GALNT13: variants seen among roughly 807,000 people sequenced by gnomAD.
GALNT13 encodes the protein polypeptide N-acetylgalactosaminyltransferase 13.
A neutral mutation model predicts 64.2 loss-of-function variants in GALNT13; 28 were observed. That is an observed-to-expected ratio of 0.44 (90% confidence interval 0.32 to 0.60). The LOEUF (loss-of-function observed/expected upper bound fraction) is 0.60. GALNT13 is among the 20% of genes least tolerant of loss of function. The probability of loss-of-function intolerance (pLI) is 0.05; values close to 1 mark genes in which losing one functional copy is unlikely to be tolerated. For missense variants in GALNT13, 577 were observed against 669.8 expected (o/e 0.86, Z 1.53); for synonymous variants, 214 against 224.6 (o/e 0.95, Z 0.42).
At chr2:153,278,871 G>GT in the GALNT13 span, among the ~76,000 whole-genome samples, 4 of 152,004 alleles carry the variant, frequency 2.6e-5, no homozygotes, top group Admixed American at 2.0e-4. Flanking sequence ...TTTTAGAACA[G>GT]TTTTTTTCTA....
the GALNT13 span, among the ~76,000 whole-genome samples, chr2:153,244,512 AG>A: frequency 1.2e-4 from 18 of 152,172 alleles, no homozygotes; most frequent in Non-Finnish European, 5.9e-5. Context: ...TGTGAGCAGA[AG>A]CAGGGTGGGG....
chr2:153,636,401 G>A, the GALNT13 span, among the ~76,000 whole-genome samples: 2 of 152,052 alleles, frequency 1.3e-5, no homozygotes, highest in Admixed American at 6.6e-5. Flanking sequence ...AAACAGAAAG[G>A]TGGTATCCTC....
At chr2:153,633,592 G>A in the GALNT13 span, among the ~76,000 whole-genome samples, 1 of 152,138 alleles carries the variant, frequency 6.6e-6, no homozygotes, top group African/African-American at 2.4e-5. Flanking sequence ...CACCATAGGA[G>A]ACATTTATCA....
At chr2:153,625,531 T>A in the GALNT13 span, among the ~76,000 whole-genome samples, 1 of 152,100 alleles carries the variant, frequency 6.6e-6, no homozygotes, top group African/African-American at 2.4e-5. Flanking sequence ...TTTGAAAATC[T>A]GGGAAAATGC....
At chr2:154,211,337 G>T (rs548837396) in intron 4 of GALNT13, among the ~76,000 whole-genome samples, 134 of 151,926 alleles carry the variant, frequency 8.8e-4, no homozygotes, top group African/African-American at 3.0e-3. Context: ...ATAGAAAAAG[G>T]TACAGTAGGC....
the GALNT13 span, among the ~76,000 whole-genome samples, chr2:153,218,879 G>T: frequency 1.2e-4 from 18 of 152,236 alleles, no homozygotes; most frequent in African/African-American, 4.1e-4. Flanking sequence ...TGGACTAGTT[G>T]GTTGACTTGT....
chr2:153,283,404 T>C, the GALNT13 span, among the ~76,000 whole-genome samples: 2 of 152,174 alleles, frequency 1.3e-5, no homozygotes, highest in African/African-American at 4.8e-5. Context: ...TGCACTATAA[T>C]ATGCACAGAA....
chr2:153,629,614 A>G, the GALNT13 span, among the ~76,000 whole-genome samples: 2 of 152,172 alleles, frequency 1.3e-5, no homozygotes, highest in African/African-American at 4.8e-5. Context: ...TAAAACACCA[A>G]AAGCAATGGC....
the GALNT13 span, among the ~76,000 whole-genome samples, chr2:153,399,730 G>T: frequency 1.3e-5 from 2 of 152,160 alleles, no homozygotes; most frequent in Admixed American, 6.5e-5. Context: ...CTGTTTGTCT[G>T]TGGTTGGTGT....
At chr2:154,176,171 A>G (rs1685635630) in intron 4 of GALNT13, among the ~76,000 whole-genome samples, 1 of 151,964 alleles carries the variant, frequency 6.6e-6, no homozygotes, top group African/African-American at 2.4e-5. Flanking sequence ...CTTTGTTATA[A>G]GAATCTGTGC....
At chr2:154,031,052 A>T (rs188808626) in intron 3 of GALNT13, among the ~76,000 whole-genome samples, 21 of 152,282 alleles carry the variant, frequency 1.4e-4, no homozygotes, top group Non-Finnish European at 2.6e-4. Flanking sequence ...AAGATAACTG[A>T]CCACTTATTA....
the GALNT13 span, among the ~76,000 whole-genome samples, chr2:153,226,791 G>A: frequency 2.8e-4 from 42 of 152,208 alleles, no homozygotes; most frequent in East Asian, 1.9e-4. Context: ...TGACAGAAAC[G>A]TGAATGAAGT....
the GALNT13 span, among the ~76,000 whole-genome samples, chr2:153,108,966 T>C: frequency 3.3e-5 from 5 of 152,180 alleles, no homozygotes; most frequent in Non-Finnish European, 7.4e-5. Flanking sequence ...ATGGAAAACA[T>C]ATCTGGAGCC....
chr2:154,369,496 C>G (rs1559118074), intron 9 of GALNT13, among the ~76,000 whole-genome samples: 2 of 152,272 alleles, frequency 1.3e-5, no homozygotes, highest in East Asian at 3.9e-4. Context: ...GTCAGTACCA[C>G]ACATAGCTTC....
chr2:153,768,690 C>A, the GALNT13 span, among the ~76,000 whole-genome samples: 4 of 152,000 alleles, frequency 2.6e-5, no homozygotes, highest in African/African-American at 9.7e-5. Flanking sequence ...CACGGTGAAA[C>A]CCCATCTCTA....
the GALNT13 span, among the ~76,000 whole-genome samples, chr2:153,662,926 G>T: frequency 1.5e-4 from 23 of 152,254 alleles, no homozygotes; most frequent in African/African-American, 5.3e-4. Context: ...CTCAGAGTTA[G>T]ACAATTACGT....
At chr2:153,659,747 C>T in the GALNT13 span, among the ~76,000 whole-genome samples, 30 of 152,152 alleles carry the variant, frequency 2.0e-4, no homozygotes, top group African/African-American at 6.0e-4. Flanking sequence ...TGACTCTGAG[C>T]GCACTGCCTA....
At chr2:153,369,911 T>A in the GALNT13 span, among the ~76,000 whole-genome samples, 9 of 152,210 alleles carry the variant, frequency 5.9e-5, no homozygotes, top group Non-Finnish European at 1.2e-4. Flanking sequence ...TGAGAGATTA[T>A]GAACCAGAGG....
At chr2:154,187,264 T>C (rs1686303605) in intron 4 of GALNT13, among the ~76,000 whole-genome samples, 1 of 152,056 alleles carries the variant, frequency 6.6e-6, no homozygotes, top group African/African-American at 2.4e-5. Flanking sequence ...ATAAATGCAC[T>C]TTTAAAATTG....
Sources: allele counts gnomAD v4.1 joint callset (sites outside exome capture counted in the v4.1 genomes callset), GRCh38; gene constraint gnomAD v4.1.1; transcripts MANE v1.5; gene names NCBI Gene and HGNC (gene_info 2026-07-23, HGNC 2026-07-21).